The following MAP2 variants were observed in gnomAD, a reference collection of about 807,000 sequenced individuals.
MAP2 encodes microtubule-associated protein 2.
In MAP2, 14 loss-of-function variants were observed where a neutral mutation model predicts 137.6. The observed-to-expected ratio is 0.10, with a 90% CI of 0.07 to 0.16. MAP2 has a LOEUF of 0.16. MAP2 is among the 10% of genes least tolerant of loss of function. The pLI is 1.00. For synonymous variants in MAP2, 786 were observed against 782.3 expected, an observed-to-expected ratio of 1.00 and a Z score of -0.08; for missense variants, 2,088 against 2,191.5, an observed-to-expected ratio of 0.95 and a Z score of 0.94.
chr2:209,604,156 G>A (rs1426652191), intron 3 of MAP2, among the ~76,000 whole-genome samples: 3 of 152,150 alleles, frequency 2.0e-5, no homozygotes. Flanking sequence ...ATAGCTTAGG[G>A]TAGGGCCCAA....
At chr2:209,594,441 G>C (rs1404188073) in intron 3 of MAP2, among the ~76,000 whole-genome samples, 1 of 152,132 alleles carries the variant, frequency 6.6e-6, no homozygotes, top group Non-Finnish European at 1.5e-5. Flanking sequence ...CTAGGACTCT[G>C]TATTTGATTA....
chr2:209,489,823 T>A (rs182057900), intron 1 of MAP2, among the ~76,000 whole-genome samples: 3 of 152,272 alleles, frequency 2.0e-5, no homozygotes, highest in Admixed American at 2.0e-4. Context: ...TTGATTGGTG[T>A]ATCTGAAAGT....
intron 5 of MAP2, among the ~76,000 whole-genome samples, chr2:209,676,752 T>TA (rs2051862290): frequency 4.2e-5 from 4 of 94,432 alleles, no homozygotes; most frequent in African/African-American, 1.3e-4. Flanking sequence ...TATATATATA[T>TA]ATATATATAT....
At chr2:209,721,544 T>C (rs539358754) in intron 13 of MAP2, among the ~76,000 whole-genome samples, 56 of 152,330 alleles carry the variant, frequency 3.7e-4, no homozygotes, top group African/African-American at 1.3e-3. Flanking sequence ...GTTGTAGGAC[T>C]TTAAGATTCT....
At chr2:209,465,540 C>T (rs1703922455) in intron 1 of MAP2, among the ~76,000 whole-genome samples, 1 of 152,100 alleles carries the variant, frequency 6.6e-6, no homozygotes, top group African/African-American at 2.4e-5. Context: ...AATTTCATGA[C>T]TGTATAGAGT....
At chr2:209,654,360 T>G (rs894773676) in intron 5 of MAP2, among the ~76,000 whole-genome samples, 1 of 152,042 alleles carries the variant, frequency 6.6e-6, no homozygotes, top group African/African-American at 2.4e-5. Flanking sequence ...AAGAAGAGAG[T>G]GATAGTGTCC....
In MAP2 at chr2:209,695,415, C is replaced by T. The variant is rs1170252000; in HGVS notation, c.3245C>T (p.Ser1082Phe). ...LEATQDMTPS[S>F]KAPQEADAFM... The stretch of plus-strand genomic sequence containing the variant: ...GCTACACAGGACATGACCCCCTCAT[C>T]CAAAGCACCGCAGGAGGCAGATGCA... The change falls in exon 8 of 16, where the codon TCC becomes TTC. Residue 1082 changes from serine (S) to phenylalanine (F), a missense_variant. Around this residue, in one of 6 missense-constraint regions of MAP2, gnomAD observed 500 missense variants for 482.9 expected, o/e 1.04. Coordinates refer to ENST00000682079, the MANE Select transcript of MAP2 (RefSeq NM_001375505.1). The T allele has an allele frequency of 1.9e-6, 3 of 1,612,960 alleles. No homozygotes were observed. The Admixed American group carries it at 5.0e-5, about 27-fold the overall frequency.
At chr2:209,572,318 G>A (rs553840716) in intron 2 of MAP2, among the ~76,000 whole-genome samples, 7 of 152,004 alleles carry the variant, frequency 4.6e-5, no homozygotes, top group South Asian at 4.2e-4. Context: ...CATGCAACGC[G>A]TATCTCAATA....
chr2:209,691,291 T>G (rs1274482382), intron 7 of MAP2, among the ~76,000 whole-genome samples: 1 of 152,174 alleles, frequency 6.6e-6, no homozygotes, highest in African/African-American at 2.4e-5. Context: ...ATCGTTTTTG[T>G]TTGCAACCGA....
At chr2:209,588,113 T>G in intron 3 of MAP2, among the ~76,000 whole-genome samples, 1 of 152,202 alleles carries the variant, frequency 6.6e-6, no homozygotes, top group South Asian at 2.1e-4. Context: ...TGTACATGGG[T>G]GTGTGTATGT....
chr2:209,426,950 C>T (rs946192115), intron 1 of MAP2, among the ~76,000 whole-genome samples: 2 of 152,144 alleles, frequency 1.3e-5, no homozygotes, highest in East Asian at 3.8e-4. Context: ...ATCACACACA[C>T]ATATTTTGTA....
chr2:209,433,415 T>G (rs891883768), intron 1 of MAP2, among the ~76,000 whole-genome samples: 1 of 152,066 alleles, frequency 6.6e-6, no homozygotes, highest in African/African-American at 2.4e-5. Context: ...CCAATGGTAC[T>G]GGAGTCCAAC....
chr2:209,651,415 T>G (rs2094790665), intron 4 of MAP2, among the ~76,000 whole-genome samples: 1 of 152,190 alleles, frequency 6.6e-6, no homozygotes. Flanking sequence ...GCCAATGTTG[T>G]ATATGTAATG....
Position 209,696,940 on chromosome 2 carries a change from G to A in MAP2, c.4411G>A (p.Ala1471Thr). The A allele has an allele frequency of 6.2e-7, 1 of 1,606,672 alleles. No individual in the cohort carries two copies. Among genetic ancestry groups the A allele is most frequent in the Non-Finnish European group, 8.5e-7 (1 of 1,178,212 alleles). Residue 1471 changes from alanine to threonine, a missense_variant, in exon 10 of 16, where the codon GCT (alanine) becomes ACT (threonine). Physicochemically the swap from Ala to Thr is moderately conservative, Grantham distance 58. This residue lies in a region of MAP2 where 591 missense variants were observed against 642.6 expected (regional missense o/e 0.92). Coordinates refer to ENST00000682079, the MANE Select transcript of MAP2 (RefSeq NM_001375505.1). ...AGCAGTTTATAAGAAGGCTGAACTT[G>A]CTAAAAAAACAGAAGTTCAGGCCCA... ...KKAVYKKAEL[A>T]KKTEVQAHSP...
At chr2:209,588,439 A>C (rs1460631958) in intron 3 of MAP2, among the ~76,000 whole-genome samples, 1 of 152,190 alleles carries the variant, frequency 6.6e-6, no homozygotes, top group Admixed American at 6.6e-5. Flanking sequence ...TTAAAAAGCC[A>C]GATGTACATT....
At chr2:209,670,201 A>C (rs1179153762) in intron 5 of MAP2, among the ~76,000 whole-genome samples, 1 of 152,024 alleles carries the variant, frequency 6.6e-6, no homozygotes, top group South Asian at 2.1e-4. Context: ...AAGATTGATA[A>C]AATATTACAA....
At chr2:209,616,799 G>A (rs1210695883) in intron 3 of MAP2, among the ~76,000 whole-genome samples, 1 of 152,144 alleles carries the variant, frequency 6.6e-6, no homozygotes, top group Non-Finnish European at 1.5e-5. Context: ...ATAGACAGTG[G>A]GATGAGTATG....
intron 7 of MAP2, among the ~76,000 whole-genome samples, chr2:209,682,505 A>G (rs148607781): frequency 8.1e-4 from 123 of 152,266 alleles, no homozygotes; most frequent in African/African-American, 2.9e-3. Context: ...AAATAAATAA[A>G]TAGTACACTA....
chr2:209,704,006 G>C (rs1458033640), intron 11 of MAP2: 3 of 455,646 alleles, frequency 6.6e-6, no homozygotes, highest in Non-Finnish European at 1.3e-5. Flanking sequence ...GTGCAGGCTT[G>C]TTACAAGGGT....
Sources: gnomAD v4.1 joint callset for allele counts (sites outside exome capture counted in the v4.1 genomes callset) on GRCh38, gnomAD v4.1.1 for gene constraint, gnomAD v4.1.1 regional missense constraint, MANE v1.5 for transcripts, NCBI Gene and HGNC (gene_info 2026-07-23, HGNC 2026-07-21) for gene names.